Variants in TRIM24 observed in about 807,000 individuals in gnomAD.
TRIM24 encodes the protein transcription intermediary factor 1-alpha.
A neutral mutation model predicts 123.9 loss-of-function variants in TRIM24; 29 were observed. The ratio of observed to expected loss-of-function variants is 0.23; its 90% CI spans 0.17 to 0.32. The LOEUF (loss-of-function observed/expected upper bound fraction) is 0.32. Among genes scored for constraint, TRIM24 ranks in the 10% least tolerant of loss-of-function variants. The pLI is 1.00. For missense variants in TRIM24, 932 were observed against 1,295.3 expected (o/e 0.72, Z 4.31); for synonymous variants, 456 against 461.1 (o/e 0.99, Z 0.14).
intron 4 of TRIM24, among the ~76,000 whole-genome samples, chr7:138,520,711 A>T (rs755102200): frequency 2.6e-5 from 4 of 152,166 alleles, no homozygotes; most frequent in Non-Finnish European, 5.9e-5. Context: ...AACCCTAAAA[A>T]TTACAGTAAC....
chr7:138,523,702 G>A (rs1796550434), intron 4 of TRIM24, among the ~76,000 whole-genome samples: 1 of 140,794 alleles, frequency 7.1e-6, no homozygotes, highest in South Asian at 2.4e-4. Flanking sequence ...AGTGAGCCGA[G>A]ATGGGGCCAC....
intron 16 of TRIM24, among the ~76,000 whole-genome samples, chr7:138,581,075 T>C (rs11976228): frequency 0.047 from 7,138 of 152,284 alleles, 480 homozygotes; most frequent in African/African-American, 0.15. Flanking sequence ...TTTTTTTCAC[T>C]GAATGGGACT....
At chr7:138,573,833 C>CTT (rs1797704190) in intron 12 of TRIM24, among the ~76,000 whole-genome samples, 191 bp downstream of exon 12, 1 of 152,116 alleles carries the variant, frequency 6.6e-6, no homozygotes, top group Non-Finnish European at 1.5e-5. Flanking sequence ...GTCACAGTCT[C>CTT]GCTCTGTTGC....
At position 138,579,400 on chromosome 7, in the gene TRIM24, CAAGG is replaced by C; in HGVS notation, c.2456_2459del (p.Arg819LysfsTer38). ...AAGTCACCTCTTCATGTTGGAGAGA[CAAGG>C]AAAGAGGATGACCCCAATGAGGACT... is the stretch of plus-strand genomic sequence containing the variant. On this transcript the variant is annotated frameshift_variant, in exon 15 of 19. Coordinates refer to ENST00000343526, the MANE Select transcript of TRIM24 (RefSeq NM_015905.3). LOFTEE classifies it high-confidence loss of function. 6.2e-7 allele frequency: 1 copy of C among 1,614,078 alleles called. No individual in the cohort carries two copies. Among genetic ancestry groups the C allele is most frequent in the Non-Finnish European group, 8.5e-7 (1 of 1,180,010 alleles).
intron 9 of TRIM24, among the ~76,000 whole-genome samples, chr7:138,562,435 G>A (rs1288304581): frequency 1.3e-5 from 2 of 152,204 alleles, no homozygotes; most frequent in East Asian, 1.9e-4. Context: ...GATGTTTACT[G>A]TAGTGTGGTT....
chr7:138,575,972 G>A (rs930362543), intron 12 of TRIM24, among the ~76,000 whole-genome samples: 1 of 151,990 alleles, frequency 6.6e-6, no homozygotes, highest in African/African-American at 2.4e-5. Context: ...CTGGCACTAG[G>A]GTCTCACTGA....
At chr7:138,565,103 G>T (rs955986228) in intron 9 of TRIM24, among the ~76,000 whole-genome samples, 1 of 152,072 alleles carries the variant, frequency 6.6e-6, no homozygotes, top group Non-Finnish European at 1.5e-5. Context: ...TATGGTCTAC[G>T]CTAAGAGAAC....
intron 6 of TRIM24, among the ~76,000 whole-genome samples, chr7:138,533,921 A>G (rs998415348): frequency 2.0e-5 from 3 of 152,156 alleles, no homozygotes; most frequent in South Asian, 2.1e-4. Context: ...CAGGGATTCA[A>G]CTTCTTCCTG....
intron 2 of TRIM24, among the ~76,000 whole-genome samples, chr7:138,505,628 C>G (rs1796137945): frequency 4.6e-5 from 7 of 151,964 alleles, no homozygotes; most frequent in Admixed American, 4.6e-4. Context: ...TCTCCAACTC[C>G]TGGGCTCAAG....
chr7:138,545,908 T>A (rs989169257), intron 7 of TRIM24, among the ~76,000 whole-genome samples: 27 of 152,172 alleles, frequency 1.8e-4, no homozygotes, highest in Non-Finnish European at 3.4e-4. Flanking sequence ...TAAGATTACA[T>A]GAATTCATAA....
At chr7:138,534,215 C>T (rs1237219171) in intron 6 of TRIM24, among the ~76,000 whole-genome samples, 5 of 152,164 alleles carry the variant, frequency 3.3e-5, no homozygotes, top group Non-Finnish European at 5.9e-5. Flanking sequence ...CTATCTCCTT[C>T]AGTTCTGCTC....
intron 9 of TRIM24, among the ~76,000 whole-genome samples, chr7:138,560,210 A>G (rs1470284850): frequency 2.6e-5 from 4 of 151,706 alleles, no homozygotes; most frequent in African/African-American, 9.7e-5. Flanking sequence ...CTTTTCCTGA[A>G]CTCTGTGGCT....
At chr7:138,523,746 G>A (rs1198066659) in intron 4 of TRIM24, among the ~76,000 whole-genome samples, 15 of 90,566 alleles carry the variant, frequency 1.7e-4, no homozygotes, top group South Asian at 8.1e-4. Flanking sequence ...GCGAGACTCC[G>A]TCTCAAAAAA....
chr7:138,475,416 C>T (rs980906956), intron 1 of TRIM24, among the ~76,000 whole-genome samples: 2 of 152,140 alleles, frequency 1.3e-5, no homozygotes, highest in Non-Finnish European at 2.9e-5. Context: ...CTCACTGTGA[C>T]AGAATTGAGA....
At chr7:138,492,005 C>G (rs1388861436) in intron 1 of TRIM24, among the ~76,000 whole-genome samples, 1 of 150,912 alleles carries the variant, frequency 6.6e-6, no homozygotes, top group Non-Finnish European at 1.5e-5. Flanking sequence ...TGGCTGAACA[C>G]TTATAATCCC....
intron 7 of TRIM24, among the ~76,000 whole-genome samples, chr7:138,547,918 A>G: frequency 6.6e-6 from 1 of 152,228 alleles, no homozygotes; most frequent in East Asian, 1.9e-4. Flanking sequence ...TGTTGGGATG[A>G]CAGGTGTGAG....
chr7:138,561,816 C>T (rs1797434175), intron 9 of TRIM24, among the ~76,000 whole-genome samples: 1 of 152,192 alleles, frequency 6.6e-6, no homozygotes, highest in Non-Finnish European at 1.5e-5. Context: ...GCTTAAATGC[C>T]TTCTCCTGGT....
At chr7:138,509,701 CAAAAAA>C (rs538243079) in intron 2 of TRIM24, among the ~76,000 whole-genome samples, 711 of 67,878 alleles carry the variant, frequency 0.01, 8 homozygotes, top group African/African-American at 0.033. Flanking sequence ...GACTCTGTCT[CAAAAAA>C]AAAAAAAAAA....
At chr7:138,531,306 G>A (rs1345629994) in intron 6 of TRIM24, among the ~76,000 whole-genome samples, 2 of 147,560 alleles carry the variant, frequency 1.4e-5, no homozygotes, top group Non-Finnish European at 2.9e-5. Flanking sequence ...CCATGTTCGT[G>A]TGCTGCACCC....
Sources: allele counts gnomAD v4.1 joint callset (sites outside exome capture counted in the v4.1 genomes callset), GRCh38; gene constraint gnomAD v4.1.1; transcripts MANE v1.5; gene names NCBI Gene and HGNC (gene_info 2026-07-23, HGNC 2026-07-21).